GPI: variants seen among roughly 807,000 people sequenced by gnomAD.
GPI encodes glucose-6-phosphate isomerase, also known as D-hexose-6-phosphate anomerase.
GPI carries 56 observed loss-of-function variants against 75.8 expected under a neutral mutation model. The observed-to-expected ratio is 0.74, with a 90% CI of 0.60 to 0.92. The LOEUF (loss-of-function observed/expected upper bound fraction) is 0.92, where lower values mean the gene tolerates loss of function less well. Ranked by LOEUF, GPI falls within the 40% of genes least tolerant of loss-of-function variation. The probability of loss-of-function intolerance (pLI) is 0.00; values close to 1 mark genes in which losing one functional copy is unlikely to be tolerated. For missense variants in GPI, 638 were observed against 741.0 expected (o/e 0.86, Z 1.61); for synonymous variants, 288 against 285.4 (o/e 1.01, Z -0.09).
upstream of GPI, among the ~76,000 whole-genome samples, chr19:34,362,967 C>T (rs2074308973): frequency 6.6e-6 from 1 of 152,124 alleles, no homozygotes; most frequent in African/African-American, 2.4e-5. Flanking sequence ...TCCATCTGGT[C>T]ACCAAAATAA....
In GPI at chr19:34,365,407, CGGG is replaced by C. The variant is rs1568323119; in HGVS notation, c.122+22_122+24del. On this transcript the variant is annotated intron_variant, in intron 1 of 17. Transcript: ENST00000356487. Reference sequence around the variant, plus strand: ...ACTTCAGGTGCGGGCGGGCCGGAGGCGGGGGCTGCCACGCGCGGCGCCCGGAAC... The same window carrying C: ...ACTTCAGGTGCGGGCGGGCCGGAGGCGGCTGCCACGCGCGGCGCCCGGAAC... 1 of 1,559,332 alleles carries C rather than the reference CGGG, an allele frequency of 6.4e-7. No individual in the cohort carries two copies. The highest frequency in any genetic ancestry group is 8.6e-7 in the Non-Finnish European group (1 of 1,157,926).
chr19:34,369,723 C>T lies in GPI; in HGVS notation c.402+1021C>T, dbSNP rs865876451. On this transcript the variant is annotated intron_variant, in intron 4 of 17. Transcript: ENST00000356487. ...CTCTGTCAAAAAAAAAAAAAAATTT[C>T]CTCATCCCCATTCCCAGCTAACCCT... Among the ~76,000 whole-genome samples the T allele has an allele frequency of 1.9e-3, 266 of 140,740 alleles. 2 individuals are homozygous for T. Among genetic ancestry groups the T allele is most frequent in the African/African-American group, 7.1e-3 (259 of 36,510 alleles). 92.3% of individuals were successfully genotyped at this position (140,740 alleles called of 152,430 possible). A position where few individuals can be genotyped will look rare whatever the true frequency, so the allele number is the denominator to read the frequency against.
intron 12 of GPI, 56 bp downstream of exon 12, chr19:34,394,122 G>A: frequency 2.1e-6 from 3 of 1,427,846 alleles, no homozygotes; most frequent in Non-Finnish European, 2.9e-6. Context: ...GGGTCTGGGA[G>A]GTCTAGGAAC....
At position 34,400,122 on chromosome 19, in the gene GPI, C is replaced by T. The variant is rs2145439134; in HGVS notation, c.*86C>T. The T allele has an allele frequency of 7.1e-7, 1 of 1,415,650 alleles. No homozygotes were observed. The highest frequency in any genetic ancestry group is 9.9e-7 in the Non-Finnish European group (1 of 1,014,068). 87.7% of individuals were successfully genotyped at this position (1,415,650 alleles called of 1,614,324 possible). On this transcript the variant is annotated 3_prime_UTR_variant, in exon 18 of 18. Transcript: ENST00000356487. Reference sequence around the variant, plus strand: ...GGAGCCGGCACTGCATGTTCCTGGACACCACCCAGAGCACCCTCTGGTTGT... The same window carrying T: ...GGAGCCGGCACTGCATGTTCCTGGATACCACCCAGAGCACCCTCTGGTTGT...
rs548946239 is a variant in GPI at position 34,400,736 on chromosome 19, A to AT, written c.*712dup. On this transcript the variant is annotated 3_prime_UTR_variant, in exon 18 of 18. Coordinates refer to ENST00000356487, the MANE Select transcript of GPI (RefSeq NM_000175.5). The stretch of plus-strand genomic sequence containing the variant: ...TAAAAGGCAGATATTGAAAACTGGA[A>AT]TTTTTTTTTTTTGAGTCTCGCTCTG... 22,627 of 290,226 alleles carry AT rather than the reference A, an allele frequency of 0.078. 9 individuals are homozygous for AT. The highest frequency in any genetic ancestry group is 0.13 in the Middle Eastern group (130 of 1,026). The allele number at this position is 290,226 out of a possible 1,614,324, so 18.0% of individuals were successfully genotyped here. A position where few individuals can be genotyped will look rare whatever the true frequency, so the allele number is the denominator to read the frequency against.
At chr19:34,368,736 C>CGT (rs1237149128) in intron 4 of GPI, 34 bp downstream of exon 4, 1 of 1,613,574 alleles carries the variant, frequency 6.2e-7, no homozygotes, top group South Asian at 1.1e-5. Flanking sequence ...CACCCTTGGC[C>CGT]GTGTGTGTGA....
chr19:34,394,078 C>T lies in GPI; in HGVS notation c.1062+12C>T, dbSNP rs1458764339. The stretch of plus-strand genomic sequence containing the variant: ...CGTACTTCCAGCAGGTACCAGCTGC[C>T]AAGCCAGGCCTTGGAGTCAGCAAGA... On this transcript the variant is annotated intron_variant, in intron 12 of 17. Transcript: ENST00000356487. 2.5e-6 allele frequency: 4 copies of T among 1,604,738 alleles called. No individual in the cohort carries two copies. The highest frequency in any genetic ancestry group is 3.4e-6 in the Non-Finnish European group (4 of 1,175,492).
At chr19:34,360,959 G>A (rs760408936), upstream of GPI, among the ~76,000 whole-genome samples, 11 of 151,250 alleles carry the variant, frequency 7.3e-5, no homozygotes, top group Non-Finnish European at 8.9e-5. Context: ...TGTAATTTTA[G>A]TAGAGACAGG....
chr19:34,396,856 G>A (rs974213187), intron 14 of GPI, among the ~76,000 whole-genome samples, 199 bp downstream of exon 14: 1 of 152,170 alleles, frequency 6.6e-6, no homozygotes, highest in African/African-American at 2.4e-5. Context: ...TGTCGCCCAG[G>A]CTGGAGTGCA....
In GPI at chr19:34,366,868, T is replaced by A. The variant is rs561096146; in HGVS notation, c.282+17T>A. The A allele has an allele frequency of 6.4e-7, 1 of 1,567,478 alleles. No individual in the cohort carries two copies. Among genetic ancestry groups the A allele is most frequent in the African/African-American group, 1.3e-5 (1 of 74,202 alleles). On this transcript the variant is annotated intron_variant, in intron 3 of 17. Transcript: ENST00000356487. ...TACACCGAGGTGAGCAGGCCCCACA[T>A]ACCCTCTGGGGCCTCCTTCCTTCCC...
At chr19:34,363,380 C>G (rs542273256), upstream of GPI, 4 of 152,156 alleles carry the variant, frequency 2.6e-5, no homozygotes, top group Non-Finnish European at 4.4e-5. Flanking sequence ...TGAGGAATCA[C>G]AGGGTAAGTG....
At chr19:34,380,871 C>G (rs897655857) in intron 8 of GPI, 1 of 207,572 alleles carries the variant, frequency 4.8e-6, no homozygotes, top group African/African-American at 2.3e-5. Context: ...AACCATAGCA[C>G]TGTTGCCTGC....
rs1211521597 is a variant in GPI, at chr19:34,401,026, CA to C, written c.*991del. The C allele has an allele frequency of 0.035, 5,481 of 156,842 alleles. 160 individuals are homozygous for C. Among genetic ancestry groups the C allele is most frequent in the Admixed American group, 0.1 (1,473 of 14,740 alleles). The allele number at this position is 156,842 out of a possible 1,614,324, so 9.7% of individuals were successfully genotyped here. A position where few individuals can be genotyped will look rare whatever the true frequency, so the allele number is the denominator to read the frequency against. The stretch of plus-strand genomic sequence containing the variant: ...CAGGTATGAGCCACCACGCCCGGCC[CA>C]TTTTTTTTTTTTTTTTGACAACTTT... On this transcript the variant is annotated 3_prime_UTR_variant, in exon 18 of 18. Transcript: ENST00000356487.
Position 34,365,220 on chromosome 19 carries a change from C to CT in GPI, c.-45dup, listed in dbSNP as rs151025852. ...CGCTTGCTGCGCGCTGCCGGCGCTC[C>CT]TTCCTCCTCGGCTCGCGTCTCACTC... On this transcript the variant is annotated 5_prime_UTR_variant, in exon 1 of 18. Transcript: ENST00000356487. The CT allele has an allele frequency of 2.4e-4, 344 of 1,428,396 alleles. 1 individual carries two copies. In the African/African-American group the frequency reaches 4.6e-3, roughly 19 times the overall value. 88.5% of individuals were successfully genotyped at this position (1,428,396 alleles called of 1,614,324 possible).
At chr19:34,383,876 C>T (rs1478993280) in intron 9 of GPI, among the ~76,000 whole-genome samples, 2 of 152,088 alleles carry the variant, frequency 1.3e-5, no homozygotes, top group African/African-American at 2.4e-5. Flanking sequence ...TCCCTCAGGC[C>T]GAGGTCAGCA....
intron 2 of GPI, 119 bp downstream of exon 2, chr19:34,366,554 AC>A: frequency 1.2e-6 from 1 of 806,136 alleles, no homozygotes; most frequent in Admixed American, 1.8e-5. Context: ...GACCTCAGTC[AC>A]CTCCTCTGTG....
chr19:34,368,511 C>T (rs1599805543), intron 3 of GPI, 72 bp from the exon 4 acceptor site: 5 of 1,557,996 alleles, frequency 3.2e-6, no homozygotes, highest in Non-Finnish European at 3.5e-6. Context: ...AGCTATGGCA[C>T]CATGCCCAGC....
intron 4 of GPI, among the ~76,000 whole-genome samples, chr19:34,375,777 C>T (rs1330538308): frequency 6.6e-6 from 1 of 152,248 alleles, no homozygotes; most frequent in Non-Finnish European, 1.5e-5. Flanking sequence ...ACTGCACGTT[C>T]TCTGAACTCA....
At chr19:34,387,684 C>T (rs1313594548) in intron 9 of GPI, among the ~76,000 whole-genome samples, 1 of 152,152 alleles carries the variant, frequency 6.6e-6, no homozygotes, top group Non-Finnish European at 1.5e-5. Context: ...GATTCAGGCT[C>T]AGTGCTGGTA....
Sources: allele counts gnomAD v4.1 joint callset (sites outside exome capture counted in the v4.1 genomes callset), GRCh38; gene constraint gnomAD v4.1.1; transcripts MANE v1.5; gene names NCBI Gene and HGNC (gene_info 2026-07-23, HGNC 2026-07-21).